Variants in MRAP2 observed in about 807,000 individuals in gnomAD.
MRAP2 encodes melanocortin 2 receptor accessory protein 2.
MRAP2 carries 20 observed loss-of-function variants against 17.4 expected under a neutral mutation model. The observed-to-expected ratio is 1.15, with a 90% CI of 0.81 to 1.67. The LOEUF (loss-of-function observed/expected upper bound fraction) is 1.67, where lower values mean the gene tolerates loss of function less well. MRAP2 is among the 40% of genes most tolerant of loss of function. The pLI, the probability that MRAP2 is intolerant of heterozygous loss-of-function variation, is 0.00. For missense variants in MRAP2, 238 were observed against 240.0 expected (o/e 0.99, Z 0.05); for synonymous variants, 96 against 88.4 (o/e 1.09, Z -0.48).
At chr6:84,056,837 A>AT (rs1360567161) in intron 2 of MRAP2, among the ~76,000 whole-genome samples, 21 of 152,246 alleles carry the variant, frequency 1.4e-4, no homozygotes, top group African/African-American at 4.8e-4. Context: ...TGCTGCTGTA[A>AT]TTTTGGTTGG....
At chr6:84,034,055 C>T (rs1588612700) in intron 1 of MRAP2, among the ~76,000 whole-genome samples, 172 bp downstream of exon 1, 1 of 152,032 alleles carries the variant, frequency 6.6e-6, no homozygotes, top group Admixed American at 6.6e-5. Flanking sequence ...AGGACGCCCA[C>T]GGGAAGAGTG....
At chr6:84,093,871 C>G (rs746887476), downstream of MRAP2, among the ~76,000 whole-genome samples, 3 of 152,208 alleles carry the variant, frequency 2.0e-5, no homozygotes, top group Non-Finnish European at 4.4e-5. Context: ...AAAGCAGGAA[C>G]TTGCGGTTAA....
At chr6:84,135,235 T>C in the MRAP2 span, among the ~76,000 whole-genome samples, 1 of 152,112 alleles carries the variant, frequency 6.6e-6, no homozygotes, top group African/African-American at 2.4e-5. Flanking sequence ...AGGACAGAAA[T>C]AGCATCAATA....
chr6:84,112,000 G>T, the MRAP2 span, among the ~76,000 whole-genome samples: 1 of 152,148 alleles, frequency 6.6e-6, no homozygotes. Context: ...GCTGGATTTG[G>T]TTTGTGAATA....
At chr6:84,110,103 T>G in the MRAP2 span, among the ~76,000 whole-genome samples, 1 of 152,228 alleles carries the variant, frequency 6.6e-6, no homozygotes, top group Non-Finnish European at 1.5e-5. Flanking sequence ...TTATAATCCT[T>G]TGGGTATATA....
In MRAP2 at chr6:84,038,248, G is replaced by A. The variant is rs150267629; in HGVS notation, c.-8+4365G>A. On this transcript the variant is annotated intron_variant, in intron 1 of 3. Coordinates refer to ENST00000257776, the MANE Select transcript of MRAP2 (RefSeq NM_138409.4). ...TTACTAACACACCCATGTGAGGTAT[G>A]AAGATAGTTAATTCAGTCCTTTCCT... 2.5e-3 allele frequency among the ~76,000 whole-genome samples: 379 copies of A among 152,368 alleles called. 5 individuals are homozygous for A. Among genetic ancestry groups the A allele is most frequent in the African/African-American group, 8.6e-3 (359 of 41,588 alleles).
chr6:84,037,232 A>G (rs2099486325), intron 1 of MRAP2, among the ~76,000 whole-genome samples: 2 of 152,010 alleles, frequency 1.3e-5, no homozygotes, highest in African/African-American at 4.8e-5. Flanking sequence ...TGTGTTTACA[A>G]TCCTTTAGCT....
At chr6:84,112,395 G>T in the MRAP2 span, among the ~76,000 whole-genome samples, 1 of 152,168 alleles carries the variant, frequency 6.6e-6, no homozygotes, top group Non-Finnish European at 1.5e-5. Context: ...TTGCACAGGG[G>T]TGTTTATAGT....
intron 3 of MRAP2, among the ~76,000 whole-genome samples, chr6:84,065,615 T>A (rs150985692): frequency 3.9e-5 from 6 of 152,282 alleles, no homozygotes; most frequent in African/African-American, 1.4e-4. Context: ...TGGAGTTTTG[T>A]GGGTTATTGA....
the MRAP2 span, among the ~76,000 whole-genome samples, chr6:84,143,594 A>G: frequency 6.6e-6 from 1 of 152,000 alleles, no homozygotes; most frequent in Non-Finnish European, 1.5e-5. Flanking sequence ...ACGAAGAACA[A>G]AAAAATGAAT....
chr6:84,063,769 C>T (rs867482328), intron 3 of MRAP2, among the ~76,000 whole-genome samples: 67 of 152,154 alleles, frequency 4.4e-4, no homozygotes, highest in African/African-American at 1.3e-3. Context: ...AGTTTTTGGC[C>T]GGTATGGTGG....
At chr6:84,039,969 C>T (rs867921899) in intron 1 of MRAP2, among the ~76,000 whole-genome samples, 1 of 152,100 alleles carries the variant, frequency 6.6e-6, no homozygotes, top group Non-Finnish European at 1.5e-5. Context: ...GAGAAAGAAA[C>T]AAATTTAAGA....
chr6:84,054,278 T>G (rs2129164212), intron 1 of MRAP2, among the ~76,000 whole-genome samples: 1 of 152,316 alleles, frequency 6.6e-6, no homozygotes, highest in South Asian at 2.1e-4. Flanking sequence ...TGCGGTGTCT[T>G]GCACACAGTA....
At chr6:84,131,184 C>T in the MRAP2 span, among the ~76,000 whole-genome samples, 1 of 152,250 alleles carries the variant, frequency 6.6e-6, no homozygotes, top group African/African-American at 2.4e-5. Context: ...TTTTTTAATC[C>T]TGAGTTCCAA....
chr6:84,056,437 A>C (rs1321355781), intron 2 of MRAP2, among the ~76,000 whole-genome samples: 1 of 152,200 alleles, frequency 6.6e-6, no homozygotes, highest in East Asian at 1.9e-4. Context: ...TCATTAATTA[A>C]ACCATATGTC....
chr6:84,079,168 G>T (rs1297406073), intron 3 of MRAP2, among the ~76,000 whole-genome samples: 1 of 152,288 alleles, frequency 6.6e-6, no homozygotes, highest in South Asian at 2.1e-4. Context: ...ATGTCCTTCA[G>T]CAGGAGAATG....
chr6:84,104,265 C>G, the MRAP2 span, among the ~76,000 whole-genome samples: 7 of 152,196 alleles, frequency 4.6e-5, no homozygotes, highest in Non-Finnish European at 1.0e-4. Flanking sequence ...AGCACAAGAA[C>G]TCTGGTTCCT....
chr6:84,038,475 T>C (rs1395721500), intron 1 of MRAP2, among the ~76,000 whole-genome samples: 1 of 151,170 alleles, frequency 6.6e-6, no homozygotes, highest in Non-Finnish European at 1.5e-5. Context: ...TTTTAGGTTT[T>C]TATATTTCTT....
At chr6:84,052,734 G>A (rs2099490754) in intron 1 of MRAP2, 1 of 914,124 alleles carries the variant, frequency 1.1e-6, no homozygotes, top group Non-Finnish European at 1.3e-6. Flanking sequence ...GGCTGCCTGG[G>A]GAGAGCTGGT....
Sources: allele counts gnomAD v4.1 joint callset (sites outside exome capture counted in the v4.1 genomes callset), GRCh38; gene constraint gnomAD v4.1.1; transcripts MANE v1.5; gene names NCBI Gene and HGNC (gene_info 2026-07-23, HGNC 2026-07-21).